CCBE1: variants seen among roughly 807,000 people sequenced by gnomAD.
CCBE1 encodes the protein collagen and calcium-binding EGF domain-containing protein 1.
CCBE1 carries 37 observed loss-of-function variants against 50.0 expected under a neutral mutation model. The ratio of observed to expected loss-of-function variants is 0.74; its 90% CI spans 0.57 to 0.97. The LOEUF is 0.97. Among genes scored for constraint, CCBE1 ranks in the 50% least tolerant of loss-of-function variants. The pLI, the probability that CCBE1 is intolerant of heterozygous loss-of-function variation, is 0.00. For missense variants in CCBE1, 538 were observed against 523.8 expected, an observed-to-expected ratio of 1.03 and a Z score of -0.26; for synonymous variants, 234 against 203.7, an observed-to-expected ratio of 1.15 and a Z score of -1.27.
At chr18:59,674,485 G>A (rs2054473060) in intron 2 of CCBE1, among the ~76,000 whole-genome samples, 1 of 152,150 alleles carries the variant, frequency 6.6e-6, no homozygotes, top group Admixed American at 6.6e-5. Context: ...AGGGGGCTAG[G>A]AGAGGGACAG....
At chr18:59,610,489 G>T (rs191070693) in intron 2 of CCBE1, among the ~76,000 whole-genome samples, 2 of 150,428 alleles carry the variant, frequency 1.3e-5, no homozygotes, top group East Asian at 3.9e-4. Flanking sequence ...TCTAGCCAGA[G>T]AAAATCTTAT....
intron 2 of CCBE1, among the ~76,000 whole-genome samples, chr18:59,555,214 C>T (rs2052638450): frequency 6.6e-6 from 1 of 152,174 alleles, no homozygotes; most frequent in Non-Finnish European, 1.5e-5. Context: ...AACACTTTGA[C>T]AAGGAGAAAC....
At chr18:59,556,057 C>T (rs1029906491) in intron 2 of CCBE1, among the ~76,000 whole-genome samples, 1 of 152,214 alleles carries the variant, frequency 6.6e-6, no homozygotes, top group Non-Finnish European at 1.5e-5. Context: ...ATCTAGGTCT[C>T]AGCTCTGCAA....
rs1599041319 is a variant in CCBE1 at position 59,590,962 on chromosome 18, A to AT, written c.212+105666_212+105667insA. Among the ~76,000 whole-genome samples, 296 of 110,086 alleles carry AT rather than the reference A, an allele frequency of 2.7e-3. 25 individuals carry two copies. Among genetic ancestry groups the AT allele is most frequent in the South Asian group, 6.1e-3 (21 of 3,440 alleles). 72.2% of individuals were successfully genotyped at this position (110,086 alleles called of 152,430 possible). The stretch of plus-strand genomic sequence containing the variant: ...ACCTGGGCATAAAAAGCTGCTAAGT[A>AT]GGCCGGGCGCGGTGGCTCACGCTTG... On this transcript the variant is annotated intron_variant, in intron 2 of 10. Transcript: ENST00000439986.
intron 2 of CCBE1, among the ~76,000 whole-genome samples, chr18:59,587,202 C>T (rs1009606990): frequency 9.9e-5 from 15 of 152,244 alleles, no homozygotes; most frequent in African/African-American, 3.1e-4. Context: ...AGCCCAGTAA[C>T]TATGAGAAAG....
At position 59,608,319 on chromosome 18, in the gene CCBE1, C is replaced by T. The variant is rs141733217; in HGVS notation, c.212+88310G>A. ...TCTCTGTACTCCTTACAGGTCAACA[C>T]CACAATTTAACTTTGTGTTCCAGAC... is the stretch of plus-strand genomic sequence containing the variant. On this transcript the variant is annotated intron_variant, in intron 2 of 10. Coordinates refer to ENST00000439986, the MANE Select transcript of CCBE1 (RefSeq NM_133459.4). 7.0e-3 allele frequency among the ~76,000 whole-genome samples: 1,060 copies of T among 152,306 alleles called. 11 individuals carry two copies. The highest frequency in any genetic ancestry group is 0.024 in the African/African-American group (977 of 41,558).
intron 2 of CCBE1, among the ~76,000 whole-genome samples, chr18:59,607,801 G>T (rs147743195): frequency 6.6e-6 from 1 of 152,180 alleles, no homozygotes. Context: ...ACGGCCAGGC[G>T]CAGTGGCTCA....
intron 5 of CCBE1, among the ~76,000 whole-genome samples, chr18:59,455,473 T>C (rs1216519718): frequency 6.6e-6 from 1 of 152,094 alleles, no homozygotes; most frequent in Non-Finnish European, 1.5e-5. Context: ...CCCCAGACAC[T>C]TCGCCACTCC....
intron 2 of CCBE1, among the ~76,000 whole-genome samples, chr18:59,691,830 G>C (rs995559033): frequency 2.0e-5 from 3 of 152,210 alleles, no homozygotes; most frequent in African/African-American, 7.2e-5. Flanking sequence ...GAAACAAGCA[G>C]AGGAGAGAGA....
At chr18:59,472,407 A>T (rs1015902338) in intron 3 of CCBE1, among the ~76,000 whole-genome samples, 84 of 152,336 alleles carry the variant, frequency 5.5e-4, no homozygotes, top group African/African-American at 1.9e-3. Context: ...CTGTTTCTGG[A>T]CAATTCAATC....
At chr18:59,513,897 C>T (rs1334769625) in intron 2 of CCBE1, among the ~76,000 whole-genome samples, 1 of 152,146 alleles carries the variant, frequency 6.6e-6, no homozygotes, top group Non-Finnish European at 1.5e-5. Flanking sequence ...AGAGAAGACC[C>T]CCTATGCCAC....
rs1598894800 is a variant in CCBE1 at position 59,430,992 on chromosome 18, T to C, written c.*4916A>G. The C allele has an allele frequency of 1.3e-5, 2 of 152,336 alleles. No homozygotes were observed. Among genetic ancestry groups the C allele is most frequent in the African/African-American group, 2.4e-5 (1 of 41,578 alleles). 9.4% of individuals were successfully genotyped at this position (152,336 alleles called of 1,614,324 possible). A position where few individuals can be genotyped will look rare whatever the true frequency, so the allele number is the denominator to read the frequency against. The stretch of plus-strand genomic sequence containing the variant: ...ATACAATCATAACAAAAGTACATCA[T>C]AGTATCACATCCATAATTGCTTGAA... On this transcript the variant is annotated 3_prime_UTR_variant, in exon 11 of 11. Coordinates refer to ENST00000439986, the MANE Select transcript of CCBE1 (RefSeq NM_133459.4).
At chr18:59,636,414 T>G (rs1242419912) in intron 2 of CCBE1, among the ~76,000 whole-genome samples, 1 of 152,238 alleles carries the variant, frequency 6.6e-6, no homozygotes, top group East Asian at 1.9e-4. Context: ...CAATACATTT[T>G]GAAGTTGTCC....
intron 2 of CCBE1, among the ~76,000 whole-genome samples, chr18:59,661,978 A>G (rs991436698): frequency 2.7e-5 from 4 of 150,012 alleles, no homozygotes; most frequent in Non-Finnish European, 6.0e-5. Flanking sequence ...AAAAAAAAAA[A>G]TCACTGATTG....
chr18:59,481,597 A>T (rs1215779045), intron 2 of CCBE1, among the ~76,000 whole-genome samples: 1 of 152,174 alleles, frequency 6.6e-6, no homozygotes, highest in African/African-American at 2.4e-5. Flanking sequence ...ATATACAGGG[A>T]AAGGATGATT....
At chr18:59,456,898 C>T (rs1218843036) in intron 5 of CCBE1, among the ~76,000 whole-genome samples, 1 of 152,222 alleles carries the variant, frequency 6.6e-6, no homozygotes, top group Admixed American at 6.5e-5. Flanking sequence ...TCAGAGCTTA[C>T]CTGCTGCACC....
At chr18:59,690,542 T>C (rs1568275239) in intron 2 of CCBE1, among the ~76,000 whole-genome samples, 2 of 152,156 alleles carry the variant, frequency 1.3e-5, no homozygotes, top group Non-Finnish European at 2.9e-5. Context: ...ATAGAATATC[T>C]AGAATCAAGA....
intron 2 of CCBE1, among the ~76,000 whole-genome samples, chr18:59,514,458 G>A (rs773151335): frequency 3.4e-4 from 51 of 152,012 alleles, no homozygotes; most frequent in Non-Finnish European, 5.7e-4. Context: ...GCCAACACCA[G>A]CAATCTCACA....
intron 2 of CCBE1, among the ~76,000 whole-genome samples, chr18:59,548,179 T>C (rs1443684121): frequency 2.6e-5 from 4 of 152,188 alleles, no homozygotes; most frequent in Non-Finnish European, 2.9e-5. Context: ...ATCATATCAC[T>C]GGCCAGTGGT....
Sources: allele counts gnomAD v4.1 joint callset (sites outside exome capture counted in the v4.1 genomes callset), GRCh38; gene constraint gnomAD v4.1.1; transcripts MANE v1.5; gene names NCBI Gene and HGNC (gene_info 2026-07-23, HGNC 2026-07-21).